Variants in MYH14 observed in about 807,000 individuals in gnomAD.
MYH14 encodes myosin heavy chain 14.
A neutral mutation model predicts 255.5 loss-of-function variants in MYH14; 123 were observed. That is an observed-to-expected ratio of 0.48 (90% confidence interval 0.42 to 0.56). The LOEUF (loss-of-function observed/expected upper bound fraction) is 0.56, where lower values mean the gene tolerates loss of function less well. Ranked by LOEUF, MYH14 falls within the 20% of genes least tolerant of loss-of-function variation. The pLI is 0.00. For synonymous variants in MYH14, 1,095 were observed against 1,161.2 expected (o/e 0.94, Z 1.16); for missense variants, 2,423 against 2,802.3 (o/e 0.86, Z 3.06).
In MYH14 at chr19:50,296,116, A is replaced by C. The variant is rs574981492; in HGVS notation, c.5469+2429A>C. Among the ~76,000 whole-genome samples, 21 of 152,178 alleles carry C rather than the reference A, an allele frequency of 1.4e-4. No individual in the cohort carries two copies. In the South Asian group the frequency reaches 3.9e-3, roughly 29 times the overall value. On this transcript the variant is annotated intron_variant, in intron 39 of 42. Coordinates refer to ENST00000642316, the MANE Select transcript of MYH14 (RefSeq NM_001145809.2). ...AGAGCGAGACTTTGTCTCAAAAAAA[A>C]AAAAAAAGTTTAAAAACAAAACTAA...
intron 26 of MYH14, among the ~76,000 whole-genome samples, 164 bp downstream of exon 26, chr19:50,272,136 T>A (rs1418424273): frequency 6.6e-6 from 1 of 152,122 alleles, no homozygotes; most frequent in African/African-American, 2.4e-5. Context: ...TCTTAATGCA[T>A]CTCTAAATCC....
chr19:50,260,860 T>A (rs1211249545), intron 20 of MYH14, 145 bp downstream of exon 20: 1 of 669,856 alleles, frequency 1.5e-6, no homozygotes, highest in Non-Finnish European at 2.7e-6. Context: ...TGTGTGTGCA[T>A]GCATATGTGT....
chr19:50,281,795 C>A lies in MYH14; in HGVS notation c.4492C>A (p.Arg1498=). ...CGCCACCATGGACCTGGAGCAGCAG[C>A]GGCAGCTTGTGAGCACCCTGGAGAA... The part of the protein sequence containing the change: ...DDATMDLEQQ[R]QLVSTLEKKQ... The change falls in exon 33 of 43, where the codon CGG becomes AGG. Residue 1498 remains arginine, a synonymous_variant. Coordinates refer to ENST00000642316, the MANE Select transcript of MYH14 (RefSeq NM_001145809.2). The A allele has an allele frequency of 6.2e-7, 1 of 1,612,684 alleles. No individual in the cohort carries two copies. Among genetic ancestry groups the A allele is most frequent in the South Asian group, 1.1e-5 (1 of 91,044 alleles).
intron 10 of MYH14, 141 bp downstream of exon 10, chr19:50,232,211 G>A: frequency 9.7e-7 from 1 of 1,033,862 alleles, no homozygotes; most frequent in Non-Finnish European, 1.4e-6. Context: ...AGCAGGGAAT[G>A]AGGCTCACAG....
At position 50,293,243 on chromosome 19, in the gene MYH14, C is replaced by T; in HGVS notation, c.5267C>T (p.Ala1756Val). Reference protein sequence around the residue: ...EVLRLQEELAASDRARRQAQQ... With the variant: ...EVLRLQEELAVSDRARRQAQQ... ...CCTCCATCATCACAGGAACTGGCCGCCTCGGACCGTGCTCGGCGGCAGGCC... is the reference window on the plus strand; with the variant it reads ...CCTCCATCATCACAGGAACTGGCCGTCTCGGACCGTGCTCGGCGGCAGGCC... The change falls in exon 38 of 43, where the codon GCC (alanine) becomes GTC (valine). Residue 1756 changes from alanine to valine, a missense_variant. Physicochemically the swap from Ala to Val is moderately conservative, Grantham distance 64. Coordinates refer to ENST00000642316, the MANE Select transcript of MYH14 (RefSeq NM_001145809.2). The surrounding 1 kb of genome is among the most constrained non-coding windows in gnomAD (Gnocchi z 4.1). 1.2e-6 allele frequency: 2 copies of T among 1,605,850 alleles called. No homozygotes were observed. Among genetic ancestry groups the T allele is most frequent in the Non-Finnish European group, 1.7e-6 (2 of 1,176,568 alleles).
chr19:50,301,381 G>A (rs1037613841), intron 39 of MYH14, among the ~76,000 whole-genome samples: 1 of 152,128 alleles, frequency 6.6e-6, no homozygotes, highest in African/African-American at 2.4e-5. Flanking sequence ...TAGAATTTAT[G>A]ACATTTAAAC....
In MYH14 at chr19:50,309,800, G is replaced by A. The variant is rs1568564731; in HGVS notation, c.*10G>A. On this transcript the variant is annotated 3_prime_UTR_variant, in exon 43 of 43. Coordinates refer to ENST00000642316, the MANE Select transcript of MYH14 (RefSeq NM_001145809.2). ...AGCCCACCCCCAGTGACCCTACCCT[G>A]TCCCCAGATGCACTAACAGATGGGG... The A allele has an allele frequency of 6.5e-7, 1 of 1,544,520 alleles. No individual in the cohort carries two copies. The highest frequency in any genetic ancestry group is 1.9e-5 in the Admixed American group (1 of 52,596).
rs554094625 is a variant in MYH14 at position 50,213,653 on chromosome 19, A to G, written c.405+2883A>G. The stretch of plus-strand genomic sequence containing the variant: ...CTTTCTCTGCTGGGTGCTGTTCTAA[A>G]TTTCTTTCCAATATGATCTTATTGA... On this transcript the variant is annotated intron_variant, in intron 2 of 42. Coordinates refer to ENST00000642316, the MANE Select transcript of MYH14 (RefSeq NM_001145809.2). 3.9e-5 allele frequency among the ~76,000 whole-genome samples: 6 copies of G among 152,204 alleles called. No homozygotes were observed. The East Asian group carries it at 1.2e-3, about 29-fold the overall frequency.
At chr19:50,231,831 T>G (rs976832695) in intron 9 of MYH14, 99 bp from the exon 10 acceptor site, 94 of 1,506,452 alleles carry the variant, frequency 6.2e-5, no homozygotes, top group Middle Eastern at 1.7e-4. Flanking sequence ...CACTTGACAG[T>G]GAGGATATGG....
chr19:50,282,328 A>C (rs1243487010), intron 33 of MYH14, among the ~76,000 whole-genome samples: 1 of 152,216 alleles, frequency 6.6e-6, no homozygotes, highest in Non-Finnish European at 1.5e-5. Context: ...TGAGGTTCAG[A>C]TCCCAATTCG....
At chr19:50,233,424 C>T (rs1246433978) in intron 10 of MYH14, among the ~76,000 whole-genome samples, 1 of 152,162 alleles carries the variant, frequency 6.6e-6, no homozygotes, top group Non-Finnish European at 1.5e-5. Flanking sequence ...CCCTCCTCGG[C>T]CTCTCAAAGT....
intron 12 of MYH14, 110 bp from the exon 13 acceptor site, chr19:50,248,877 G>A (rs927319414): frequency 1.8e-6 from 2 of 1,106,148 alleles, no homozygotes; most frequent in Admixed American, 2.0e-5. Flanking sequence ...CAAGGAGCTG[G>A]GAGGCGACCT....
rs377216284 is a variant in MYH14 at position 50,260,649 on chromosome 19, C to G, written c.2358C>G (p.Tyr786Ter). Residue 786 changes from tyrosine (Y) to a stop codon, truncating the protein, a stop_gained, in exon 20 of 43, where the codon TAC (tyrosine) becomes TAG (stop). Transcript: ENST00000642316. LOFTEE classifies it high-confidence loss of function. ...CACCCCTCCCTGCTCATTGCAGATA[C>G]GAGATCCTGACACCCAATGCCATCC... is the stretch of plus-strand genomic sequence containing the variant. ...RILFQEFRQR[Y>*]EILTPNAIPK... The G allele has an allele frequency of 1.2e-6, 2 of 1,612,274 alleles. No individual in the cohort carries two copies. Among genetic ancestry groups the G allele is most frequent in the Non-Finnish European group, 8.5e-7 (1 of 1,178,794 alleles).
intron 29 of MYH14, among the ~76,000 whole-genome samples, chr19:50,277,802 A>G (rs1438453658): frequency 6.6e-6 from 1 of 152,044 alleles, no homozygotes; most frequent in Admixed American, 6.6e-5. Context: ...CTGTAATCCT[A>G]GCTACTTGGG....
intron 10 of MYH14, 53 bp from the exon 11 acceptor site, chr19:50,244,189 G>C (rs2034001087): frequency 6.6e-7 from 1 of 1,517,596 alleles, no homozygotes; most frequent in Non-Finnish European, 9.1e-7. Flanking sequence ...GGCCAGTTAA[G>C]ACCACACATC....
intron 27 of MYH14, among the ~76,000 whole-genome samples, chr19:50,273,335 C>G (rs1024469242): frequency 1.3e-5 from 2 of 150,148 alleles, no homozygotes; most frequent in Non-Finnish European, 3.0e-5. Context: ...TCTTCCTCTT[C>G]CCTGCTTGGC....
chr19:50,227,447 C>A (rs1048647540), intron 8 of MYH14, among the ~76,000 whole-genome samples: 1 of 152,044 alleles, frequency 6.6e-6, no homozygotes, highest in Non-Finnish European at 1.5e-5. Context: ...CACATCCCCG[C>A]CTGCACCCCC....
At chr19:50,236,661 T>TGG (rs2033671961) in intron 10 of MYH14, among the ~76,000 whole-genome samples, 1 of 151,928 alleles carries the variant, frequency 6.6e-6, no homozygotes, top group Non-Finnish European at 1.5e-5. Context: ...TGAGCCAAGA[T>TGG]TAAGCCACTG....
At chr19:50,220,017 A>G (rs901944350) in intron 3 of MYH14, among the ~76,000 whole-genome samples, 3 of 152,158 alleles carry the variant, frequency 2.0e-5, no homozygotes, top group Non-Finnish European at 4.4e-5. Context: ...CCTGGGCAAC[A>G]TAACAAGACC....
Sources: gnomAD v4.1 joint callset for allele counts (sites outside exome capture counted in the v4.1 genomes callset) on GRCh38, gnomAD v4.1.1 for gene constraint, Gnocchi (gnomAD v3.1) non-coding constraint, MANE v1.5 for transcripts, NCBI Gene and HGNC (gene_info 2026-07-23, HGNC 2026-07-21) for gene names.